Variants in COX7B2 observed in about 807,000 individuals in gnomAD.
The protein encoded by COX7B2 is cytochrome c oxidase subunit 7B2, also known as cytochrome c oxidase subunit 7B2, mitochondrial.
For missense variants in COX7B2, 109 were observed against 95.9 expected, an observed-to-expected ratio of 1.14 and a Z score of -0.57; for synonymous variants, 37 against 32.1, an observed-to-expected ratio of 1.15 and a Z score of -0.51.
At chr4:46,766,443 T>C (rs1716542846) in intron 2 of COX7B2, among the ~76,000 whole-genome samples, 1 of 152,118 alleles carries the variant, frequency 6.6e-6, no homozygotes, top group Non-Finnish European at 1.5e-5. Context: ...CTCATGCCTG[T>C]AGTCCCAGCA....
intron 1 of COX7B2, among the ~76,000 whole-genome samples, chr4:46,881,798 G>A (rs181470482): frequency 5.3e-5 from 8 of 151,938 alleles, no homozygotes; most frequent in Non-Finnish European, 1.0e-4. Flanking sequence ...GTGATTTTGG[G>A]GGCCCAAGAT....
At chr4:46,825,624 T>C (rs192007984) in intron 2 of COX7B2, among the ~76,000 whole-genome samples, 161 of 152,292 alleles carry the variant, frequency 1.1e-3, no homozygotes, top group African/African-American at 3.7e-3. Flanking sequence ...GTTACCTGAC[T>C]TCAAACTATA....
At chr4:46,775,622 C>T (rs1009270604) in intron 2 of COX7B2, among the ~76,000 whole-genome samples, 22 of 151,964 alleles carry the variant, frequency 1.4e-4, no homozygotes, top group Admixed American at 6.6e-5. Context: ...TCTTTTTCTC[C>T]ACAATATAAA....
intron 1 of COX7B2, among the ~76,000 whole-genome samples, chr4:46,902,060 T>C (rs1399531214): frequency 6.6e-6 from 1 of 152,216 alleles, no homozygotes; most frequent in East Asian, 1.9e-4. Flanking sequence ...TATATCCTAT[T>C]AGCTTTGTTT....
At chr4:46,735,274 C>G in intron 2 of COX7B2, 33 bp from the exon 3 acceptor site, 2 of 1,471,192 alleles carry the variant, frequency 1.4e-6, no homozygotes, top group South Asian at 1.2e-5. Context: ...CATTGATGTC[C>G]AATCTTTATT....
intron 2 of COX7B2, among the ~76,000 whole-genome samples, chr4:46,766,862 A>G (rs565600557): frequency 3.9e-5 from 6 of 152,320 alleles, no homozygotes; most frequent in African/African-American, 1.4e-4. Context: ...TAATAGATAC[A>G]CCAAACATAA....
At chr4:46,821,949 G>A (rs978502988) in intron 2 of COX7B2, among the ~76,000 whole-genome samples, 5 of 152,062 alleles carry the variant, frequency 3.3e-5, no homozygotes, top group Admixed American at 6.6e-5. Context: ...GTCTCACTCT[G>A]TCGCCAGGCT....
chr4:46,830,840 A>C (rs1281630331), intron 2 of COX7B2, among the ~76,000 whole-genome samples: 1 of 152,236 alleles, frequency 6.6e-6, no homozygotes, highest in African/African-American at 2.4e-5. Flanking sequence ...ATCTCACAAG[A>C]GGCAAAGTAT....
chr4:46,850,013 T>C (rs973898090), intron 1 of COX7B2, among the ~76,000 whole-genome samples: 1 of 152,014 alleles, frequency 6.6e-6, no homozygotes, highest in African/African-American at 2.4e-5. Context: ...GTTTTTTTTA[T>C]CAACAACAAA....
At chr4:46,878,415 AG>A (rs1001954091) in intron 1 of COX7B2, among the ~76,000 whole-genome samples, 4 of 151,964 alleles carry the variant, frequency 2.6e-5, no homozygotes, top group Non-Finnish European at 4.4e-5. Flanking sequence ...ATAAAAAAAA[AG>A]GTGATGGATA....
At chr4:46,897,075 T>C (rs936817536) in intron 1 of COX7B2, among the ~76,000 whole-genome samples, 5 of 152,122 alleles carry the variant, frequency 3.3e-5, no homozygotes, top group East Asian at 1.9e-4. Flanking sequence ...AAAATGACAA[T>C]TGAAGGCTTG....
chr4:46,739,354 CA>C (rs1240475541), intron 2 of COX7B2, among the ~76,000 whole-genome samples: 20 of 151,932 alleles, frequency 1.3e-4, no homozygotes, highest in African/African-American at 4.8e-4. Context: ...CAAAACAAAA[CA>C]AAACAAAACA....
intron 1 of COX7B2, among the ~76,000 whole-genome samples, chr4:46,905,455 T>A (rs1187361146): frequency 6.6e-6 from 1 of 152,166 alleles, no homozygotes; most frequent in African/African-American, 2.4e-5. Flanking sequence ...TATTCTTGGT[T>A]GCAGCCTCAT....
At chr4:46,769,688 A>G (rs536754123) in intron 2 of COX7B2, among the ~76,000 whole-genome samples, 118 of 152,296 alleles carry the variant, frequency 7.7e-4, no homozygotes, top group Non-Finnish European at 1.6e-3. Context: ...ACACTCCATC[A>G]TGGGTGACAG....
chr4:46,883,889 A>G (rs1368792960), intron 1 of COX7B2, among the ~76,000 whole-genome samples: 1 of 152,162 alleles, frequency 6.6e-6, no homozygotes, highest in Non-Finnish European at 1.5e-5. Flanking sequence ...CTCCTTATAA[A>G]TCATCCTGGA....
At chr4:46,906,701 A>G (rs187271664) in intron 1 of COX7B2, among the ~76,000 whole-genome samples, 1 of 152,282 alleles carries the variant, frequency 6.6e-6, no homozygotes. Context: ...AAATCACTCA[A>G]TTCTGAATTT....
chr4:46,886,930 T>C (rs542516570), intron 1 of COX7B2, among the ~76,000 whole-genome samples: 89 of 152,314 alleles, frequency 5.8e-4, no homozygotes, highest in African/African-American at 2.0e-3. Context: ...CTGGACAGAC[T>C]GTTAATTGGT....
intron 1 of COX7B2, among the ~76,000 whole-genome samples, chr4:46,878,469 A>G (rs779477625): frequency 6.0e-5 from 9 of 149,612 alleles, no homozygotes; most frequent in Non-Finnish European, 1.3e-4. Context: ...CTACATATAC[A>G]TAAGTTAGCA....
intron 1 of COX7B2, among the ~76,000 whole-genome samples, chr4:46,861,224 T>C (rs539235942): frequency 8.5e-5 from 13 of 152,316 alleles, no homozygotes; most frequent in Admixed American, 2.0e-4. Flanking sequence ...TCTTTTGTCA[T>C]ATTCTGTTTG....
Sources: gnomAD v4.1 joint callset for allele counts (sites outside exome capture counted in the v4.1 genomes callset) on GRCh38, gnomAD v4.1.1 for gene constraint, MANE v1.5 for transcripts, NCBI Gene and HGNC (gene_info 2026-07-23, HGNC 2026-07-21) for gene names.